The following FAAH2 variants were observed in gnomAD, a reference collection of about 807,000 sequenced individuals.
FAAH2 encodes fatty-acid amide hydrolase 2.
FAAH2 carries 60 observed loss-of-function variants against 36.9 expected under a neutral mutation model. The observed-to-expected ratio is 1.63, with a 90% confidence interval of 1.32 to 2.02. FAAH2 has a LOEUF of 2.02. Among genes scored for constraint, FAAH2 ranks in the 30% most tolerant of loss-of-function variants. The pLI, the probability that FAAH2 is intolerant of heterozygous loss-of-function variation, is 0.00. For synonymous variants in FAAH2, 214 were observed against 143.8 expected, an observed-to-expected ratio of 1.49 and a Z score of -3.49; for missense variants, 689 against 397.5, an observed-to-expected ratio of 1.73 and a Z score of -6.23.
chrX:57,291,778 A>G (rs1441028229), intron 1 of FAAH2, among the ~76,000 whole-genome samples: 1 of 111,022 alleles, frequency 9.0e-6, no homozygotes, highest in Non-Finnish European at 1.9e-5. Context: ...ACAATTGTAT[A>G]TAATAATTAA....
intron 5 of FAAH2, among the ~76,000 whole-genome samples, chrX:57,368,579 C>T (rs2054476935): frequency 9.0e-6 from 1 of 111,670 alleles, no homozygotes; most frequent in African/African-American, 3.3e-5. Context: ...TGGAGCAGCA[C>T]CAGAGACACT....
the FAAH2 span, among the ~76,000 whole-genome samples, chrX:57,220,134 G>A: frequency 2.8e-5 from 3 of 107,635 alleles, no homozygotes; most frequent in African/African-American, 6.8e-5. Context: ...CCTCCCAACC[G>A]TACCTCTTTT....
At chrX:57,321,950 A>C (rs1382655871) in intron 3 of FAAH2, among the ~76,000 whole-genome samples, 1 of 112,027 alleles carries the variant, frequency 8.9e-6, no homozygotes, top group Non-Finnish European at 1.9e-5. Flanking sequence ...GGTGGCAACA[A>C]ATTTGCTTAG....
intron 2 of FAAH2, among the ~76,000 whole-genome samples, chrX:57,300,809 C>G (rs1422684800): frequency 8.9e-6 from 1 of 111,935 alleles, no homozygotes; most frequent in Non-Finnish European, 1.9e-5. Flanking sequence ...AGGATGTGAA[C>G]AGACACTTCT....
At chrX:57,446,712 C>G (rs370204247) in intron 8 of FAAH2, among the ~76,000 whole-genome samples, 1 of 111,421 alleles carries the variant, frequency 9.0e-6, no homozygotes, top group African/African-American at 3.3e-5. Context: ...TCACTAGGCA[C>G]AATATTTCAA....
At chrX:57,422,089 A>C (rs973756016) in intron 7 of FAAH2, among the ~76,000 whole-genome samples, 5 of 111,586 alleles carry the variant, frequency 4.5e-5, no homozygotes, top group African/African-American at 6.5e-5. Flanking sequence ...GAAAAAAAAA[A>C]CATTCTTTTA....
chrX:57,448,709 G>A lies in FAAH2; in HGVS notation c.1414G>A (p.Ala472Thr), dbSNP rs766036909. Reference sequence around the variant, plus strand: ...CCCTCTAACACGGCCTTTCAACTTTGCTTACACAGGTACCTAATTGTATTC... The same window carrying A: ...CCCTCTAACACGGCCTTTCAACTTTACTTACACAGGTACCTAATTGTATTC... ...HVPLTRPFNF[A>T]YTGVFSALGL... The change falls in exon 10 of 11, where the codon GCT becomes ACT. Residue 472 changes from alanine (A) to threonine (T), a missense_variant. Coordinates refer to ENST00000374900, the MANE Select transcript of FAAH2 (RefSeq NM_174912.4). 3.9e-5 allele frequency: 47 copies of A among 1,199,205 alleles called. No individual in the cohort carries two copies. In the South Asian group the frequency reaches 6.8e-4, roughly 17 times the overall value.
chrX:57,147,414 A>C, the FAAH2 span, among the ~76,000 whole-genome samples: 2 of 111,069 alleles, frequency 1.8e-5, no homozygotes, highest in African/African-American at 6.5e-5. Context: ...CCCCCATTTC[A>C]TTTCTAATTG....
the FAAH2 span, among the ~76,000 whole-genome samples, chrX:57,164,597 C>A: frequency 9.0e-6 from 1 of 111,553 alleles, no homozygotes; most frequent in Admixed American, 9.5e-5. Context: ...CATAAATGGA[C>A]CCCAAACAGA....
intron 10 of FAAH2, among the ~76,000 whole-genome samples, chrX:57,475,677 C>T (rs1248494038): frequency 7.2e-5 from 8 of 111,819 alleles, no homozygotes; most frequent in Admixed American, 2.9e-4. Flanking sequence ...GCTAAATGGG[C>T]TCTTTTCTGG....
At chrX:57,238,451 C>T in the FAAH2 span, among the ~76,000 whole-genome samples, 116 of 110,602 alleles carry the variant, frequency 1.0e-3, 1 homozygote, top group Admixed American at 3.7e-3. Flanking sequence ...ATGATGAGAA[C>T]ACATGGACAC....
the FAAH2 span, among the ~76,000 whole-genome samples, chrX:57,189,256 C>T: frequency 9.1e-6 from 1 of 110,377 alleles, no homozygotes; most frequent in Non-Finnish European, 1.9e-5. Context: ...ATGTTCTTCT[C>T]TAAACTTGTT....
chrX:57,393,045 GC>G, intron 7 of FAAH2: 1 of 893,596 alleles, frequency 1.1e-6, no homozygotes, highest in Non-Finnish European at 1.7e-6. Flanking sequence ...TCTCTGGACA[GC>G]CTGAGCCAGG....
the FAAH2 span, among the ~76,000 whole-genome samples, chrX:57,206,383 T>C: frequency 3.6e-5 from 4 of 112,221 alleles, no homozygotes; most frequent in African/African-American, 1.3e-4. Context: ...GGAGTAGTAG[T>C]CTGAATTTTA....
At chrX:57,394,081 A>G in intron 7 of FAAH2, 1 of 726,474 alleles carries the variant, frequency 1.4e-6, no homozygotes, top group Non-Finnish European at 2.2e-6. Context: ...CCGCAGCAAC[A>G]AGGTTATTAG....
chrX:57,302,627 G>A (rs2052406794), intron 2 of FAAH2, among the ~76,000 whole-genome samples: 1 of 111,265 alleles, frequency 9.0e-6, no homozygotes, highest in African/African-American at 3.3e-5. Context: ...GATATAATGT[G>A]TTGCTTTCCA....
In FAAH2 at chrX:57,456,522, A is replaced by G. The variant is rs188337119; in HGVS notation, c.1423+7804A>G. 7.1e-5 allele frequency among the ~76,000 whole-genome samples: 8 copies of G among 112,262 alleles called. No homozygotes were observed. In the East Asian group the frequency reaches 2.0e-3, roughly 27 times the overall value. ...AAGTGTTGCTCCTTCAAAAGAATAA[A>G]CAAGATTGATATACCATTAGCTAAA... On this transcript the variant is annotated intron_variant, in intron 10 of 10. Coordinates refer to ENST00000374900, the MANE Select transcript of FAAH2 (RefSeq NM_174912.4).
At chrX:57,163,425 C>A in the FAAH2 span, among the ~76,000 whole-genome samples, 2 of 112,069 alleles carry the variant, frequency 1.8e-5, no homozygotes, top group Admixed American at 1.9e-4. Flanking sequence ...TTTACCTAAT[C>A]AAGCCTGGGC....
intron 7 of FAAH2, among the ~76,000 whole-genome samples, chrX:57,420,898 A>G (rs2056003212): frequency 1.8e-5 from 2 of 111,992 alleles, no homozygotes; most frequent in Admixed American, 1.9e-4. Context: ...ACGTCCCATC[A>G]GTACCTAATT....
Sources: gnomAD v4.1 joint callset for allele counts (sites outside exome capture counted in the v4.1 genomes callset) on GRCh38, gnomAD v4.1.1 for gene constraint, MANE v1.5 for transcripts, NCBI Gene and HGNC (gene_info 2026-07-23, HGNC 2026-07-21) for gene names.